RUSF1: variants seen among roughly 807,000 people sequenced by gnomAD.
RUSF1 encodes the protein RUS family member 1, also known as RUS1 family protein C16orf58.
Under a neutral mutation model 63.0 loss-of-function variants are expected in RUSF1, and 58 were observed. That is an observed-to-expected ratio of 0.92 (90% CI 0.75 to 1.15). The LOEUF (loss-of-function observed/expected upper bound fraction) is 1.15, where lower values mean the gene tolerates loss of function less well. Ranked by LOEUF, RUSF1 falls within the 50% of genes most tolerant of loss-of-function variation. RUSF1 has a pLI of 0.00. For missense variants in RUSF1, 652 were observed against 611.0 expected (o/e 1.07, Z -0.71); for synonymous variants, 274 against 255.8 (o/e 1.07, Z -0.68).
intron 6 of RUSF1, among the ~76,000 whole-genome samples, chr16:31,494,286 C>T (rs1329249595): frequency 2.0e-5 from 3 of 151,482 alleles, no homozygotes; most frequent in East Asian, 1.9e-4. Context: ...TCTGGGAGGC[C>T]GAGGTGGGCA....
intron 5 of RUSF1, 140 bp from the exon 6 acceptor site, chr16:31,497,090 T>C: frequency 1.6e-6 from 1 of 633,402 alleles, no homozygotes; most frequent in Non-Finnish European, 2.7e-6. Context: ...TGATGCCCCC[T>C]AGGCTCAACT....
chr16:31,493,264 A>C (rs575082150), intron 9 of RUSF1: 42 of 873,732 alleles, frequency 4.8e-5, no homozygotes, highest in Middle Eastern at 2.1e-4. Flanking sequence ...TCCTTCCTTC[A>C]CCCATCAAGC....
At position 31,507,338 on chromosome 16, in the gene RUSF1, C is replaced by T. The variant is rs981437721; in HGVS notation, c.415+426G>A. On this transcript the variant is annotated intron_variant, in intron 2 of 12. Transcript: ENST00000327237. Reference sequence around the variant, plus strand: ...ATCATCTGGTATCCCAGAGCATACACAATACCTTCCATTCTTTCCAGGCTC... The same window carrying T: ...ATCATCTGGTATCCCAGAGCATACATAATACCTTCCATTCTTTCCAGGCTC... 2.0e-5 allele frequency among the ~76,000 whole-genome samples: 3 copies of T among 152,220 alleles called. No individual in the cohort carries two copies. In the East Asian group the frequency reaches 5.8e-4, roughly 29 times the overall value.
Position 31,489,906 on chromosome 16 carries a change from G to T in RUSF1, c.*929C>A. ...GCAAGGCCAACGGCTTTAAACACAA[G>T]CTCAGGGGCTTGGGGTTTATCCCGA... On this transcript the variant is annotated 3_prime_UTR_variant, in exon 13 of 13. Transcript: ENST00000327237. 1 of 679,470 alleles carries T rather than the reference G, an allele frequency of 1.5e-6. No homozygotes were observed. The highest frequency in any genetic ancestry group is 2.6e-6 in the Non-Finnish European group (1 of 388,780). 42.1% of individuals were successfully genotyped at this position (679,470 alleles called of 1,614,324 possible). A position where few individuals can be genotyped will look rare whatever the true frequency, so the allele number is the denominator to read the frequency against.
intron 6 of RUSF1, 129 bp from the exon 7 acceptor site, chr16:31,494,065 T>A (rs1372069760): frequency 9.6e-7 from 1 of 1,044,058 alleles, no homozygotes; most frequent in East Asian, 2.6e-5. Flanking sequence ...TGTGGGTAAA[T>A]TTTTAGTTTT....
chr16:31,495,770 C>T (rs562673297), intron 6 of RUSF1, among the ~76,000 whole-genome samples: 3 of 152,258 alleles, frequency 2.0e-5, no homozygotes, highest in African/African-American at 7.2e-5. Context: ...TGGGACCTCT[C>T]CATGCTTTAT....
intron 2 of RUSF1, among the ~76,000 whole-genome samples, chr16:31,507,289 G>A (rs1345674637): frequency 1.3e-5 from 2 of 152,168 alleles, no homozygotes; most frequent in Non-Finnish European, 2.9e-5. Flanking sequence ...ATATTCAGCA[G>A]ATAGTCACTC....
At chr16:31,506,104 A>C (rs1480296850) in intron 2 of RUSF1, among the ~76,000 whole-genome samples, 1 of 152,252 alleles carries the variant, frequency 6.6e-6, no homozygotes, top group Non-Finnish European at 1.5e-5. Flanking sequence ...ATATACATTC[A>C]GAGTCAGGAA....
intron 9 of RUSF1, 59 bp from the exon 10 acceptor site, chr16:31,493,107 C>T (rs1325040038): frequency 6.5e-7 from 1 of 1,541,312 alleles, no homozygotes; most frequent in Non-Finnish European, 8.9e-7. Context: ...GCATGCCCAA[C>T]CAGCCACTGA....
intron 6 of RUSF1, 106 bp downstream of exon 6, chr16:31,496,743 C>T (rs1479440096): frequency 3.1e-6 from 3 of 974,196 alleles, no homozygotes; most frequent in Non-Finnish European, 4.4e-6. Context: ...CAGCAGGGAG[C>T]ACCCATACTT....
At position 31,499,556 on chromosome 16, in the gene RUSF1, G is replaced by T. The variant is rs192851803; in HGVS notation, c.462-31C>A. Reference sequence around the variant, plus strand: ...GGGGAGGAGAGGTTGTTGTAATTTGGACTTAAGGAGAAACACATCCTATGG... The same window carrying T: ...GGGGAGGAGAGGTTGTTGTAATTTGTACTTAAGGAGAAACACATCCTATGG... On this transcript the variant is annotated intron_variant, in intron 3 of 12. Transcript: ENST00000327237. 1.2e-4 allele frequency: 195 copies of T among 1,580,338 alleles called. No individual in the cohort carries two copies. In the East Asian group the frequency reaches 3.2e-3, roughly 26 times the overall value.
chr16:31,496,947 T>C lies in RUSF1; in HGVS notation c.604A>G (p.Ile202Val). Residue 202 changes from isoleucine (I) to valine (V), a missense_variant, in exon 6 of 13, where the codon ATC becomes GTC. Physicochemically the swap from Ile to Val is conservative, Grantham distance 29 (BLOSUM62 3). Coordinates refer to ENST00000327237, the MANE Select transcript of RUSF1 (RefSeq NM_022744.4). ...GTGGCCCCACCAGCAACACTCACGA[T>C]GCACTGGGTGGGAGGGGAAGAGAGA... ...TVSTSNLAKCIVSVAGGATRA... is the reference protein window; with the variant it reads ...TVSTSNLAKCVVSVAGGATRA... The C allele has an allele frequency of 6.2e-7, 1 of 1,603,824 alleles. No individual in the cohort carries two copies. The highest frequency in any genetic ancestry group is 8.5e-7 in the Non-Finnish European group (1 of 1,175,924).
chr16:31,491,550 C>T (rs1297390891), intron 12 of RUSF1, among the ~76,000 whole-genome samples: 2 of 151,052 alleles, frequency 1.3e-5, no homozygotes, highest in South Asian at 4.2e-4. Context: ...CTCCTGAGCT[C>T]AAGTATCTGC....
In RUSF1 at chr16:31,507,835, AC is replaced by A; in HGVS notation, c.343del (p.Val115SerfsTer5). The A allele has an allele frequency of 6.3e-7, 1 of 1,576,816 alleles. No individual in the cohort carries two copies. Among genetic ancestry groups the A allele is most frequent in the Non-Finnish European group, 8.6e-7 (1 of 1,160,722 alleles). ...SLSGSLATQA[V>X]LLGIGVGNAK... is the part of the protein sequence containing the mutation. The stretch of plus-strand genomic sequence containing the variant: ...GTTCCCCACCCCTATGCCCAGCAAG[AC>A]TGCCTGGGTGGCTAGGGAGCCGGAG... On this transcript the variant is annotated frameshift_variant, in exon 2 of 13. Coordinates refer to ENST00000327237, the MANE Select transcript of RUSF1 (RefSeq NM_022744.4). LOFTEE classifies it high-confidence loss of function.
chr16:31,492,221 C>T lies in RUSF1; in HGVS notation c.1207G>A (p.Glu403Lys), dbSNP rs144347942. 2 of 1,612,054 alleles carry T rather than the reference C, an allele frequency of 1.2e-6. No individual in the cohort carries two copies. Among genetic ancestry groups the T allele is most frequent in the East Asian group, 2.2e-5 (1 of 44,818 alleles). Residue 403 changes from glutamate (E) to lysine (K), a missense_variant, in exon 11 of 13, where the codon GAG becomes AAG. Glu to Lys is a moderately conservative substitution (Grantham distance 56). Transcript: ENST00000327237. Reference protein sequence around the residue: ...GDGPLPAELEELRNRVRAGPK... With the variant: ...GDGPLPAELEKLRNRVRAGPK... ...CCTGCCCGCACCCGGTTCCTCAGCT[C>T]CTCCAGCTCTGCTGGAAGGGGTCCA...
chr16:31,507,004 T>G (rs1261732484), intron 2 of RUSF1, among the ~76,000 whole-genome samples: 1 of 152,204 alleles, frequency 6.6e-6, no homozygotes, highest in Non-Finnish European at 1.5e-5. Flanking sequence ...GGAAAGCGCT[T>G]TTCCTTAGAT....
In RUSF1 at chr16:31,489,865, T is replaced by G. The variant is rs2082545277; in HGVS notation, c.*970A>C. On this transcript the variant is annotated 3_prime_UTR_variant, in exon 13 of 13. Transcript: ENST00000327237. ...CATCTGGGTGTAGACAGACCTGAGC[T>G]GACAAAGCTGGGGGAGCAAGGCCAA... The G allele has an allele frequency of 1.8e-6, 1 of 550,312 alleles. No homozygotes were observed. Among genetic ancestry groups the G allele is most frequent in the Middle Eastern group, 5.1e-4 (1 of 1,962 alleles). 34.1% of individuals were successfully genotyped at this position (550,312 alleles called of 1,614,324 possible).
Position 31,490,631 on chromosome 16 carries a change from TGAG to T in RUSF1, c.*201_*203del. Reference sequence around the variant, plus strand: ...CAGAAAAGGGGAAGGGGCAGTGGGGTGAGAAGGTCCTGGCTCCCCTTCTCCCGG... The same window carrying T: ...CAGAAAAGGGGAAGGGGCAGTGGGGTAAGGTCCTGGCTCCCCTTCTCCCGG... On this transcript the variant is annotated 3_prime_UTR_variant, in exon 13 of 13. Transcript: ENST00000327237. 3 of 1,183,250 alleles carry T rather than the reference TGAG, an allele frequency of 2.5e-6. No homozygotes were observed. Among genetic ancestry groups the T allele is most frequent in the Non-Finnish European group, 2.5e-6 (2 of 813,636 alleles). 73.3% of individuals were successfully genotyped at this position (1,183,250 alleles called of 1,614,324 possible).
intron 2 of RUSF1, among the ~76,000 whole-genome samples, chr16:31,504,671 C>T (rs909448568): frequency 3.9e-5 from 6 of 152,032 alleles, no homozygotes; most frequent in African/African-American, 7.2e-5. Flanking sequence ...TAGAAACAGC[C>T]GATGGTGAAA....
Sources: gnomAD v4.1 joint callset for allele counts (sites outside exome capture counted in the v4.1 genomes callset) on GRCh38, gnomAD v4.1.1 for gene constraint, MANE v1.5 for transcripts, NCBI Gene and HGNC (gene_info 2026-07-23, HGNC 2026-07-21) for gene names.